The following PRKCQ variants were observed in gnomAD, a reference collection of about 807,000 sequenced individuals.
PRKCQ encodes the protein protein kinase C theta type.
Under a neutral mutation model 91.2 loss-of-function variants are expected in PRKCQ, and 41 were observed. The observed-to-expected ratio is 0.45, with a 90% CI of 0.35 to 0.58. The LOEUF is 0.58. Ranked by LOEUF, PRKCQ falls within the 20% of genes least tolerant of loss-of-function variation. PRKCQ has a pLI of 0.00. For missense variants in PRKCQ, 673 were observed against 896.5 expected (o/e 0.75, Z 3.18); for synonymous variants, 307 against 316.9 (o/e 0.97, Z 0.33).
At chr10:6,458,142 C>T (rs1380619853) in intron 14 of PRKCQ, among the ~76,000 whole-genome samples, 2 of 152,190 alleles carry the variant, frequency 1.3e-5, no homozygotes, top group African/African-American at 2.4e-5. Flanking sequence ...CACTATGTTG[C>T]CAAGGCTGGT....
chr10:6,417,981 CCATCTCCCAGAGGCGCGCCTTCTTCCGT>C, the PRKCQ span, among the ~76,000 whole-genome samples: 1 of 152,352 alleles, frequency 6.6e-6, no homozygotes, highest in African/African-American at 2.4e-5. Flanking sequence ...TCTCCTTCCC[CCATCTCCCAGAGGCGCGCCTTCTTCCGT>C]CATCTCCCAG....
At chr10:6,471,513 T>TG (rs1484654038) in intron 12 of PRKCQ, among the ~76,000 whole-genome samples, 5 of 152,028 alleles carry the variant, frequency 3.3e-5, no homozygotes, top group African/African-American at 1.2e-4. Context: ...GAGGCCGAGG[T>TG]GGGTGGATCA....
chr10:6,503,236 G>T (rs190796207), intron 4 of PRKCQ, among the ~76,000 whole-genome samples: 2 of 152,322 alleles, frequency 1.3e-5, no homozygotes, highest in East Asian at 3.9e-4. Flanking sequence ...CTGAGAATAA[G>T]GGCAGAATTG....
At chr10:6,453,658 T>G (rs1485279328) in intron 15 of PRKCQ, among the ~76,000 whole-genome samples, 3 of 152,208 alleles carry the variant, frequency 2.0e-5, no homozygotes, top group Admixed American at 6.5e-5. Context: ...TAGCAAAGAC[T>G]TGGAACCAAC....
intron 1 of PRKCQ, among the ~76,000 whole-genome samples, chr10:6,520,697 C>A (rs1357893141): frequency 6.6e-6 from 1 of 152,170 alleles, no homozygotes; most frequent in Non-Finnish European, 1.5e-5. Context: ...AAGTTCTCAG[C>A]CCTGGCTCCT....
chr10:6,515,445 A>G, intron 1 of PRKCQ: 2 of 985,422 alleles, frequency 2.0e-6, no homozygotes, highest in Admixed American at 6.1e-5. Flanking sequence ...CAATGGTTGG[A>G]GAGTGAGGCA....
intron 3 of PRKCQ, among the ~76,000 whole-genome samples, chr10:6,508,685 G>C (rs144517371): frequency 8.5e-5 from 13 of 152,336 alleles, no homozygotes; most frequent in Middle Eastern, 3.4e-3. Context: ...AATGGAGATG[G>C]AAGAGCTATG....
chr10:6,498,284 T>G (rs2130821834), intron 5 of PRKCQ, 112 bp downstream of exon 5: 1 of 1,354,080 alleles, frequency 7.4e-7, no homozygotes, highest in East Asian at 2.3e-5. Context: ...AACGCTGAGG[T>G]AGCATTTACT....
intron 12 of PRKCQ, among the ~76,000 whole-genome samples, chr10:6,470,294 CT>C (rs201183378): frequency 1.9e-3 from 290 of 151,944 alleles, no homozygotes; most frequent in African/African-American, 6.7e-3. Flanking sequence ...CCTTTCCCCC[CT>C]GCTCTTCCTC....
intron 1 of PRKCQ, among the ~76,000 whole-genome samples, chr10:6,561,431 G>T (rs1241454557): frequency 1.3e-5 from 2 of 149,062 alleles, no homozygotes; most frequent in African/African-American, 2.5e-5. Flanking sequence ...CCTTGAATAA[G>T]GGTATCTTTT....
intron 1 of PRKCQ, among the ~76,000 whole-genome samples, chr10:6,571,971 C>T (rs73617891): frequency 0.014 from 2,109 of 152,230 alleles, 45 homozygotes; most frequent in African/African-American, 0.048. Flanking sequence ...CAGGGGTCAG[C>T]GCTAGTAATT....
chr10:6,500,422 T>C (rs989144063), intron 4 of PRKCQ, among the ~76,000 whole-genome samples: 1 of 151,268 alleles, frequency 6.6e-6, no homozygotes, highest in African/African-American at 2.4e-5. Context: ...TACATATATG[T>C]TTATATACAT....
chr10:6,527,365 AATG>A (rs1399593547), intron 1 of PRKCQ, among the ~76,000 whole-genome samples: 1 of 152,128 alleles, frequency 6.6e-6, no homozygotes, highest in Non-Finnish European at 1.5e-5. Context: ...TAAAAACTGT[AATG>A]ATGATGATGT....
chr10:6,558,387 T>A (rs971260725), intron 1 of PRKCQ, among the ~76,000 whole-genome samples: 24 of 152,276 alleles, frequency 1.6e-4, no homozygotes, highest in Admixed American at 2.6e-4. Flanking sequence ...TTGTTTTTTT[T>A]AAAAAAGGCT....
intron 1 of PRKCQ, among the ~76,000 whole-genome samples, chr10:6,559,334 C>T (rs781323319): frequency 3.8e-4 from 57 of 151,966 alleles, no homozygotes; most frequent in Non-Finnish European, 6.2e-4. Context: ...GAGGGACATG[C>T]CTTTTTCTAG....
chr10:6,461,488 T>C lies in PRKCQ; in HGVS notation c.1508+815A>G, dbSNP rs618020. 2.6e-5 allele frequency among the ~76,000 whole-genome samples: 4 copies of C among 152,132 alleles called. No individual in the cohort carries two copies. In the South Asian group the frequency reaches 6.2e-4, roughly 24 times the overall value. Reference sequence around the variant, plus strand: ...GATTCTTAATCTATGATTTTGTAGATAGACCAAAAAAAATTACATTCAAAG... The same window carrying C: ...GATTCTTAATCTATGATTTTGTAGACAGACCAAAAAAAATTACATTCAAAG... On this transcript the variant is annotated intron_variant, in intron 14 of 17. Coordinates refer to ENST00000263125, the MANE Select transcript of PRKCQ (RefSeq NM_006257.5).
intron 1 of PRKCQ, among the ~76,000 whole-genome samples, chr10:6,530,141 G>T (rs1376666231): frequency 6.6e-6 from 1 of 152,282 alleles, no homozygotes; most frequent in East Asian, 1.9e-4. Context: ...TCATGGGGTA[G>T]GTATGGGGCA....
At chr10:6,423,601 G>T (rs999900199), downstream of PRKCQ, among the ~76,000 whole-genome samples, 9 of 152,158 alleles carry the variant, frequency 5.9e-5, no homozygotes, top group Non-Finnish European at 1.2e-4. Context: ...GTAACTCCGG[G>T]AAGTGAGAGC....
At chr10:6,503,305 G>T (rs952470877) in intron 4 of PRKCQ, among the ~76,000 whole-genome samples, 1 of 152,204 alleles carries the variant, frequency 6.6e-6, no homozygotes, top group African/African-American at 2.4e-5. Flanking sequence ...CCTGGAGGTG[G>T]AGAATTCTGA....
Sources: gnomAD v4.1 joint callset for allele counts (sites outside exome capture counted in the v4.1 genomes callset) on GRCh38, gnomAD v4.1.1 for gene constraint, MANE v1.5 for transcripts, NCBI Gene and HGNC (gene_info 2026-07-23, HGNC 2026-07-21) for gene names.